Variants in HLCS observed in about 807,000 individuals in gnomAD.
HLCS encodes the protein biotin--protein ligase.
Under a neutral mutation model 75.0 loss-of-function variants are expected in HLCS, and 53 were observed. The ratio of observed to expected loss-of-function variants is 0.71; its 90% CI spans 0.57 to 0.89. HLCS has a LOEUF of 0.89. Among genes scored for constraint, HLCS ranks in the 40% least tolerant of loss-of-function variants. The pLI is 0.00. For synonymous variants in HLCS, 431 were observed against 428.6 expected, an observed-to-expected ratio of 1.01 and a Z score of -0.07; for missense variants, 966 against 1,074.0, an observed-to-expected ratio of 0.90 and a Z score of 1.41.
At position 36,832,241 on chromosome 21, in the gene HLCS, G is replaced by A. The variant is rs138589333; in HGVS notation, c.1892+64619C>T. Among the ~76,000 whole-genome samples, 28 of 152,274 alleles carry A rather than the reference G, an allele frequency of 1.8e-4. No homozygotes were observed. In the East Asian group the frequency reaches 4.6e-3, roughly 25 times the overall value. Reference sequence around the variant, plus strand: ...TTATAACCTAACGAAAGGGCAAAAAGGTAGAAGAGATGGCTGATGAGGAGG... The same window carrying A: ...TTATAACCTAACGAAAGGGCAAAAAAGTAGAAGAGATGGCTGATGAGGAGG... On this transcript the variant is annotated intron_variant, in intron 6 of 10. Transcript: ENST00000674895.
chr21:36,966,535 G>A lies in HLCS; in HGVS notation c.104C>T (p.Ser35Phe), dbSNP rs1669400549. 22 of 1,000,530 alleles carry A rather than the reference G, an allele frequency of 2.2e-5. No homozygotes were observed. Among genetic ancestry groups the A allele is most frequent in the Non-Finnish European group, 2.6e-5 (22 of 842,292 alleles). The allele number at this position is 1,000,530 out of a possible 1,614,324, so 62.0% of individuals were successfully genotyped here. A position where few individuals can be genotyped will look rare whatever the true frequency, so the allele number is the denominator to read the frequency against. The stretch of plus-strand genomic sequence containing the variant: ...CGCGGCCGCGCCGCAGAAGGTGAAG[G>A]AACAGCGCGAGGCACGCAGCCGCCG... ...TVRRLRASRC[S>F]FTFCGAAAQP... Residue 35 changes from serine (S) to phenylalanine (F), a missense_variant, in exon 1 of 11, where the codon TCC becomes TTC. Ser to Phe is a radical substitution (Grantham distance 155). Transcript: ENST00000674895.
intron 1 of HLCS, among the ~76,000 whole-genome samples, chr21:36,977,447 T>C (rs1241965922): frequency 1.3e-5 from 2 of 152,216 alleles, no homozygotes; most frequent in African/African-American, 4.8e-5. Flanking sequence ...AATATGTTCA[T>C]CATTGTCTTC....
At chr21:36,825,499 A>G (rs1186164565) in intron 6 of HLCS, among the ~76,000 whole-genome samples, 1 of 152,148 alleles carries the variant, frequency 6.6e-6, no homozygotes, top group Non-Finnish European at 1.5e-5. Context: ...GTAAATATAC[A>G]TATATATTGT....
intron 5 of HLCS, among the ~76,000 whole-genome samples, chr21:36,906,561 G>A (rs1189589625): frequency 1.3e-5 from 2 of 151,846 alleles, no homozygotes; most frequent in Admixed American, 1.3e-4. Flanking sequence ...TAAAGAGGCT[G>A]TAAATAACTG....
chr21:36,798,631 A>G (rs1271210417), intron 6 of HLCS, among the ~76,000 whole-genome samples: 1 of 152,222 alleles, frequency 6.6e-6, no homozygotes, highest in Admixed American at 6.5e-5. Flanking sequence ...AGTGGCTGTT[A>G]TCATTCTGCA....
At position 36,888,446 on chromosome 21, in the gene HLCS, ATATATATATATATAT is replaced by A. The variant is rs1418295721; in HGVS notation, c.1892+8399_1892+8413del. Among the ~76,000 whole-genome samples, 632 of 70,414 alleles carry A rather than the reference ATATATATATATATAT, an allele frequency of 9.0e-3. 49 individuals carry two copies. The highest frequency in any genetic ancestry group is 0.029 in the African/African-American group (350 of 12,190). 46.2% of individuals were successfully genotyped at this position (70,414 alleles called of 152,430 possible). A position where few individuals can be genotyped will look rare whatever the true frequency, so the allele number is the denominator to read the frequency against. Reference sequence around the variant, plus strand: ...CCCTTCCCATTTAAAAAAAAAAAAAATATATATATATATATATATATATATATATATATATATATA... The same window carrying A: ...CCCTTCCCATTTAAAAAAAAAAAAAAATATATATATATATATATATATATA... On this transcript the variant is annotated intron_variant, in intron 6 of 10. Coordinates refer to ENST00000674895, the MANE Select transcript of HLCS (RefSeq NM_001352514.2).
chr21:36,778,173 G>T (rs1359463698), intron 6 of HLCS, among the ~76,000 whole-genome samples: 12 of 152,178 alleles, frequency 7.9e-5, no homozygotes, highest in African/African-American at 2.2e-4. Context: ...GTTTCACCAT[G>T]TTAGCCAGGA....
chr21:36,957,928 C>CG (rs2068053522), intron 2 of HLCS, among the ~76,000 whole-genome samples: 1 of 79,974 alleles, frequency 1.3e-5, no homozygotes, highest in Admixed American at 1.5e-4. Context: ...GACTGCGTCT[C>CG]GAAAAAAAAA....
intron 6 of HLCS, among the ~76,000 whole-genome samples, chr21:36,772,503 G>A (rs1173221454): frequency 6.6e-6 from 1 of 151,946 alleles, no homozygotes; most frequent in Non-Finnish European, 1.5e-5. Context: ...GCCAGGCATG[G>A]AGGTACATGC....
intron 6 of HLCS, among the ~76,000 whole-genome samples, chr21:36,891,656 A>C (rs1461751979): frequency 6.6e-6 from 1 of 152,212 alleles, no homozygotes; most frequent in African/African-American, 2.4e-5. Flanking sequence ...TACAGGAAAC[A>C]GCTCTGAAAA....
chr21:36,939,603 G>A (rs2067049774), intron 2 of HLCS, among the ~76,000 whole-genome samples: 1 of 152,176 alleles, frequency 6.6e-6, no homozygotes, highest in Non-Finnish European at 1.5e-5. Context: ...CTCCCTGTAA[G>A]GAGGTTCACG....
intron 6 of HLCS, among the ~76,000 whole-genome samples, chr21:36,883,157 T>C (rs1203661295): frequency 2.0e-5 from 3 of 152,198 alleles, no homozygotes; most frequent in African/African-American, 4.8e-5. Flanking sequence ...CAAAGGTATT[T>C]CAGAGCTCAG....
At chr21:36,789,827 A>C (rs1297084592) in intron 6 of HLCS, among the ~76,000 whole-genome samples, 1 of 152,174 alleles carries the variant, frequency 6.6e-6, no homozygotes, top group African/African-American at 2.4e-5. Flanking sequence ...ATCTTGCCAT[A>C]GTCTTTCTGC....
chr21:36,878,575 G>A (rs2064076855), intron 6 of HLCS, among the ~76,000 whole-genome samples: 1 of 151,994 alleles, frequency 6.6e-6, no homozygotes, highest in South Asian at 2.1e-4. Context: ...AGGTATTACT[G>A]CCCACAATAT....
At chr21:36,839,447 T>C (rs2062540724) in intron 6 of HLCS, among the ~76,000 whole-genome samples, 1 of 152,208 alleles carries the variant, frequency 6.6e-6, no homozygotes, top group South Asian at 2.1e-4. Flanking sequence ...CTTTTCTTTC[T>C]AGATATAAAC....
chr21:36,798,591 A>G (rs1453465989), intron 6 of HLCS, among the ~76,000 whole-genome samples: 10 of 152,200 alleles, frequency 6.6e-5, no homozygotes, highest in Non-Finnish European at 1.3e-4. Flanking sequence ...CTAGGGATTT[A>G]CCCAAGATAA....
At position 36,914,259 on chromosome 21, in the gene HLCS, C is replaced by T. The variant is rs73389383; in HGVS notation, c.1620+15992G>A. On this transcript the variant is annotated intron_variant, in intron 5 of 10. Transcript: ENST00000674895. The stretch of plus-strand genomic sequence containing the variant: ...CACATCCAGCCCTGCACAACTCTGA[C>T]TTAGTCCCAGCAACAACATGAACTT... 6.8e-3 allele frequency among the ~76,000 whole-genome samples: 1,040 copies of T among 152,330 alleles called. 10 individuals are homozygous for T. The highest frequency in any genetic ancestry group is 0.024 in the African/African-American group (992 of 41,584).
At chr21:36,790,749 G>A (rs542191234) in intron 6 of HLCS, among the ~76,000 whole-genome samples, 10 of 152,314 alleles carry the variant, frequency 6.6e-5, no homozygotes, top group African/African-American at 2.4e-4. Context: ...TGCCCAGGAA[G>A]GCAGGTCAGA....
chr21:36,900,978 G>C (rs916861696), intron 5 of HLCS, among the ~76,000 whole-genome samples: 5 of 152,060 alleles, frequency 3.3e-5, no homozygotes, highest in African/African-American at 1.2e-4. Context: ...AATCCCACGG[G>C]GGCTGGGCGC....
Sources: allele counts gnomAD v4.1 joint callset (sites outside exome capture counted in the v4.1 genomes callset), GRCh38; gene constraint gnomAD v4.1.1; transcripts MANE v1.5; gene names NCBI Gene and HGNC (gene_info 2026-07-23, HGNC 2026-07-21).